PTPRD: variants seen among roughly 807,000 people sequenced by gnomAD.
PTPRD encodes receptor-type tyrosine-protein phosphatase delta.
In PTPRD, 34 loss-of-function variants were observed where a neutral mutation model predicts 214.5. The observed-to-expected ratio is 0.16, with a 90% CI of 0.12 to 0.21. The LOEUF is 0.21. Ranked by LOEUF, PTPRD falls within the 10% of genes least tolerant of loss-of-function variation. PTPRD has a pLI of 1.00. For missense variants in PTPRD, 2,545 were observed against 2,398.7 expected, an observed-to-expected ratio of 1.06 and a Z score of -1.27; for synonymous variants, 1,128 against 845.7, an observed-to-expected ratio of 1.33 and a Z score of -5.79.
At chr9:10,375,237 C>G (rs1188545877) in intron 2 of PTPRD, among the ~76,000 whole-genome samples, 1 of 151,930 alleles carries the variant, frequency 6.6e-6, no homozygotes, top group African/African-American at 2.4e-5. Context: ...TGTTGCTTGA[C>G]CAAGGTGATT....
At chr9:10,342,142 T>C (rs2096952806) in intron 2 of PTPRD, among the ~76,000 whole-genome samples, 1 of 152,018 alleles carries the variant, frequency 6.6e-6, no homozygotes, top group South Asian at 2.1e-4. Flanking sequence ...CATAAGCTAA[T>C]TAGTATGGAC....
At chr9:9,447,731 G>C (rs1463944633) in intron 8 of PTPRD, among the ~76,000 whole-genome samples, 2 of 152,076 alleles carry the variant, frequency 1.3e-5, no homozygotes, top group Non-Finnish European at 2.9e-5. Context: ...TGTGTCATTT[G>C]ATTACAATTG....
intron 3 of PTPRD, among the ~76,000 whole-genome samples, chr9:10,182,595 A>G (rs1328269234): frequency 1.3e-5 from 2 of 152,194 alleles, no homozygotes; most frequent in Non-Finnish European, 2.9e-5. Flanking sequence ...AGAGGGGGAA[A>G]CCAAAATGAC....
chr9:10,063,801 A>G (rs1318166748), intron 3 of PTPRD, among the ~76,000 whole-genome samples: 1 of 151,996 alleles, frequency 6.6e-6, no homozygotes, highest in African/African-American at 2.4e-5. Flanking sequence ...GGACTGTGAA[A>G]CATCTATTGC....
intron 14 of PTPRD, among the ~76,000 whole-genome samples, chr9:8,530,704 G>A (rs2075462633): frequency 6.6e-6 from 1 of 152,082 alleles, no homozygotes; most frequent in South Asian, 2.1e-4. Flanking sequence ...CTACTATGCA[G>A]AACTTCTGGT....
intron 5 of PTPRD, among the ~76,000 whole-genome samples, chr9:9,820,334 C>A (rs2050268959): frequency 1.3e-5 from 2 of 151,874 alleles, no homozygotes; most frequent in South Asian, 4.2e-4. Flanking sequence ...TAAAATGGGG[C>A]TGTTTTTGGT....
intron 12 of PTPRD, among the ~76,000 whole-genome samples, chr9:8,723,468 T>A (rs938890454): frequency 2.0e-5 from 3 of 152,206 alleles, no homozygotes; most frequent in African/African-American, 7.2e-5. Context: ...CATGTCTTGC[T>A]GCACTGCTCC....
Position 10,341,034 on chromosome 9 carries a change from A to C in PTPRD, c.-599-17T>G, listed in dbSNP as rs2096929658. ...CTTCTTCACCTGCAAAAATGAGGACATTGGGCTAGATCCATTATTTTACAT... is the reference window on the plus strand; with the variant it reads ...CTTCTTCACCTGCAAAAATGAGGACCTTGGGCTAGATCCATTATTTTACAT... On this transcript the variant is annotated splice_polypyrimidine_tract_variant and intron_variant, in intron 2 of 45. Transcript: ENST00000381196. The C allele has an allele frequency of 6.6e-6, 1 of 151,938 alleles. No individual in the cohort carries two copies. Among genetic ancestry groups the C allele is most frequent in the South Asian group, 2.1e-4 (1 of 4,822 alleles). The allele number at this position is 151,938 out of a possible 1,614,324, so 9.4% of individuals were successfully genotyped here. A position where few individuals can be genotyped will look rare whatever the true frequency, so the allele number is the denominator to read the frequency against.
intron 8 of PTPRD, among the ~76,000 whole-genome samples, chr9:9,507,498 T>A (rs922927651): frequency 6.6e-6 from 1 of 151,234 alleles, no homozygotes; most frequent in African/African-American, 2.4e-5. Context: ...GAAGACAAGA[T>A]AAAATGAATT....
At chr9:9,043,277 A>G (rs2099649120) in intron 10 of PTPRD, among the ~76,000 whole-genome samples, 1 of 152,156 alleles carries the variant, frequency 6.6e-6, no homozygotes, top group Non-Finnish European at 1.5e-5. Flanking sequence ...ATCTTGTCTT[A>G]TATTAACTGT....
At chr9:9,608,916 T>G (rs1178163669) in intron 7 of PTPRD, among the ~76,000 whole-genome samples, 1 of 152,230 alleles carries the variant, frequency 6.6e-6, no homozygotes, top group Admixed American at 6.5e-5. Flanking sequence ...GTTTATTCTT[T>G]ATTCGGAGGG....
rs7857298 is a variant in PTPRD at position 9,463,840 on chromosome 9, A to T, written c.-236-66358T>A. Among the ~76,000 whole-genome samples, 1,123 of 152,236 alleles carry T rather than the reference A, an allele frequency of 7.4e-3. 10 individuals carry two copies. The highest frequency in any genetic ancestry group is 0.026 in the African/African-American group (1,086 of 41,538). The stretch of plus-strand genomic sequence containing the variant: ...AACTTGAGAAACTTGGATTTGTCTT[A>T]TCTGAGTTCCTTTCTTAGGAAATCA... On this transcript the variant is annotated intron_variant, in intron 8 of 45. Transcript: ENST00000381196.
intron 5 of PTPRD, among the ~76,000 whole-genome samples, chr9:9,800,835 A>C (rs1181920274): frequency 1.3e-5 from 2 of 152,208 alleles, no homozygotes; most frequent in Non-Finnish European, 2.9e-5. Context: ...ATAATAAGCA[A>C]TTTAAAGCTT....
intron 11 of PTPRD, among the ~76,000 whole-genome samples, chr9:8,807,598 CT>C (rs200760578): frequency 0.028 from 3,776 of 134,706 alleles, 74 homozygotes; most frequent in South Asian, 0.13. Context: ...CTTTGAATAG[CT>C]TTTTTTTTTT....
chr9:8,539,653 C>T (rs2077855389), intron 14 of PTPRD, among the ~76,000 whole-genome samples: 1 of 151,964 alleles, frequency 6.6e-6, no homozygotes. Context: ...AACATCACTT[C>T]CACAATATTC....
intron 8 of PTPRD, among the ~76,000 whole-genome samples, chr9:9,543,020 T>A (rs1359696): frequency 0.055 from 8,272 of 151,682 alleles, 263 homozygotes; most frequent in Middle Eastern, 0.14. Flanking sequence ...CACAAAAATC[T>A]TGTGTGAGAA....
chr9:8,971,963 T>G lies in PTPRD; in HGVS notation c.-104+46734A>C, dbSNP rs1203660298. Among the ~76,000 whole-genome samples, 4 of 151,812 alleles carry G rather than the reference T, an allele frequency of 2.6e-5. No homozygotes were observed. In the East Asian group the frequency reaches 7.7e-4, roughly 29 times the overall value. On this transcript the variant is annotated intron_variant, in intron 11 of 45. Coordinates refer to ENST00000381196, the MANE Select transcript of PTPRD (RefSeq NM_002839.4). ...ATTTGAATCAAGCTATACTATCTCA[T>G]TGCATACCTCTTTTACTTTAAATAC...
At chr9:8,553,971 G>C (rs573376259) in intron 14 of PTPRD, among the ~76,000 whole-genome samples, 2 of 152,014 alleles carry the variant, frequency 1.3e-5, no homozygotes, top group Middle Eastern at 3.4e-3. Flanking sequence ...GGCAGATCAC[G>C]AGGTCAGGAG....
intron 11 of PTPRD, among the ~76,000 whole-genome samples, chr9:8,907,542 A>ATT (rs2098717524): frequency 7.0e-6 from 1 of 143,066 alleles, no homozygotes; most frequent in African/African-American, 2.5e-5. Flanking sequence ...AAATATATAT[A>ATT]TATATATATA....
Sources: gnomAD v4.1 joint callset for allele counts (sites outside exome capture counted in the v4.1 genomes callset) on GRCh38, gnomAD v4.1.1 for gene constraint, MANE v1.5 for transcripts, NCBI Gene and HGNC (gene_info 2026-07-23, HGNC 2026-07-21) for gene names.